The following DNASE1 variants were observed in gnomAD, a reference collection of about 807,000 sequenced individuals.
DNASE1 encodes deoxyribonuclease-1.
Under a neutral mutation model 33.9 loss-of-function variants are expected in DNASE1, and 40 were observed. The ratio of observed to expected loss-of-function variants is 1.18; its 90% CI spans 0.92 to 1.54. The LOEUF (loss-of-function observed/expected upper bound fraction) is 1.54. DNASE1 is among the 40% of genes most tolerant of loss of function. The probability of loss-of-function intolerance (pLI) is 0.00; values close to 1 mark genes in which losing one functional copy is unlikely to be tolerated. For missense variants in DNASE1, 518 were observed against 372.6 expected (o/e 1.39, Z -3.21); for synonymous variants, 216 against 160.0 (o/e 1.35, Z -2.64).
At chr16:3,644,317 C>G (rs1395993699) in intron 1 of DNASE1, among the ~76,000 whole-genome samples, 1 of 151,976 alleles carries the variant, frequency 6.6e-6, no homozygotes, top group Non-Finnish European at 1.5e-5. Flanking sequence ...AATCGCAGCA[C>G]CTTGGGAGGC....
intron 1 of DNASE1, among the ~76,000 whole-genome samples, chr16:3,615,376 G>T (rs2041065454): frequency 1.3e-5 from 2 of 152,160 alleles, no homozygotes; most frequent in Admixed American, 1.3e-4. Flanking sequence ...CCTTGTCCTG[G>T]ACCCTATTGT....
downstream of DNASE1, chr16:3,660,338 C>G (rs1233857963): frequency 1.3e-5 from 2 of 152,178 alleles, no homozygotes; most frequent in Middle Eastern, 3.2e-3. Context: ...AATTTTAAAA[C>G]AAATGAAAGT....
upstream of DNASE1, chr16:3,653,160 A>C (rs528334818): frequency 6.6e-6 from 1 of 152,294 alleles, no homozygotes; most frequent in South Asian, 2.1e-4. Flanking sequence ...TAAGAAGAAG[A>C]GGCAGAGACT....
intron 1 of DNASE1, among the ~76,000 whole-genome samples, chr16:3,634,835 G>T (rs1249598750): frequency 1.3e-5 from 2 of 152,034 alleles, no homozygotes; most frequent in African/African-American, 4.8e-5. Flanking sequence ...ATTAATAATA[G>T]AGTCAGAGTG....
upstream of DNASE1, chr16:3,640,689 T>G: frequency 2.5e-6 from 1 of 398,562 alleles, no homozygotes; most frequent in Non-Finnish European, 4.4e-6. Flanking sequence ...TGGGCATGAG[T>G]AACACTCCCC....
At chr16:3,623,171 A>C (rs773124841) in intron 1 of DNASE1, among the ~76,000 whole-genome samples, 45 of 152,188 alleles carry the variant, frequency 3.0e-4, no homozygotes, top group Non-Finnish European at 5.0e-4. Flanking sequence ...CAGAATAGAG[A>C]ACCCAGAAGT....
intron 1 of DNASE1, among the ~76,000 whole-genome samples, chr16:3,628,218 T>G (rs996995026): frequency 6.6e-6 from 1 of 152,166 alleles, no homozygotes; most frequent in Non-Finnish European, 1.5e-5. Context: ...GGAATTGTTT[T>G]TATAATTTCC....
rs769214207 is a variant in DNASE1, at chr16:3,664,367, G to A, written c.*6414G>A. On this transcript the variant is annotated 3_prime_UTR_variant, in exon 10 of 10. Transcript: ENST00000407479. The stretch of plus-strand genomic sequence containing the variant: ...ACAGGTAGTAGATGTTGCGGGTGCC[G>A]GCCCGCATGCGGCTGGCGTATTCTG... The A allele has an allele frequency of 3.8e-5, 62 of 1,612,928 alleles. 1 individual carries two copies. Among genetic ancestry groups the A allele is most frequent in the South Asian group, 9.9e-5 (9 of 90,836 alleles).
At chr16:3,633,573 A>G (rs1167554173) in intron 1 of DNASE1, among the ~76,000 whole-genome samples, 1 of 150,298 alleles carries the variant, frequency 6.7e-6, no homozygotes, top group Non-Finnish European at 1.5e-5. Context: ...GCGCCATTGC[A>G]CTCTAGCCTG....
At chr16:3,655,967 G>C in intron 3 of DNASE1, 30 bp downstream of exon 3, 1 of 1,613,628 alleles carries the variant, frequency 6.2e-7, no homozygotes, top group South Asian at 1.1e-5. Flanking sequence ...TCATAGGAAG[G>C]TGACATCTCG....
At chr16:3,658,925 C>A (rs2042894529), downstream of DNASE1, 1 of 1,561,036 alleles carries the variant, frequency 6.4e-7, no homozygotes, top group African/African-American at 1.4e-5. Context: ...ACCCTCCCTT[C>A]ATGTTTTGGG....
downstream of DNASE1, chr16:3,662,802 C>T (rs1438955926): frequency 2.9e-6 from 4 of 1,391,160 alleles, no homozygotes; most frequent in African/African-American, 2.8e-5. Flanking sequence ...CCCAACGGGC[C>T]AGGTACTGGG....
At chr16:3,631,323 G>T (rs1357703776) in intron 1 of DNASE1, among the ~76,000 whole-genome samples, 2 of 151,914 alleles carry the variant, frequency 1.3e-5, no homozygotes, top group African/African-American at 4.8e-5. Context: ...TCCTGCCTCA[G>T]CCTCCCTAGT....
At position 3,656,187 on chromosome 16, in the gene DNASE1, T is replaced by G. The variant is rs1287158585; in HGVS notation, c.320+2T>G. 6.2e-7 allele frequency: 1 copy of G among 1,613,858 alleles called. No individual in the cohort carries two copies. The highest frequency in any genetic ancestry group is 1.7e-5 in the Admixed American group (1 of 60,018). ...GGAGCGCTACCTGTTCGTGTACAGG[T>G]GGGTGGTCTAGAAAGCCAGGAAGCC... is the stretch of plus-strand genomic sequence containing the variant. On this transcript the variant is annotated splice_donor_variant, in intron 4 of 8. Coordinates refer to ENST00000246949, the MANE Select transcript of DNASE1 (RefSeq NM_005223.4). LOFTEE classifies it high-confidence loss of function.
intron 7 of DNASE1, 146 bp from the exon 8 acceptor site, chr16:3,657,574 T>C (rs1184147890): frequency 1.6e-6 from 2 of 1,246,518 alleles, no homozygotes; most frequent in African/African-American, 1.5e-5. Context: ...GTTTCCACAT[T>C]GAGGGGCACA....
chr16:3,632,812 C>T (rs1000103638), intron 1 of DNASE1, among the ~76,000 whole-genome samples: 2 of 152,114 alleles, frequency 1.3e-5, no homozygotes, highest in Non-Finnish European at 2.9e-5. Context: ...TCTTGAAATC[C>T]TGACCTCAGG....
downstream of DNASE1, chr16:3,661,811 G>T: frequency 2.7e-6 from 2 of 748,118 alleles, no homozygotes; most frequent in Non-Finnish European, 3.9e-6. Flanking sequence ...GTAAGGGGCT[G>T]GCCAGGTTCC....
chr16:3,614,952 C>A (rs887058638), intron 1 of DNASE1, among the ~76,000 whole-genome samples: 1 of 152,088 alleles, frequency 6.6e-6, no homozygotes, highest in African/African-American at 2.4e-5. Flanking sequence ...TACCTCTCTC[C>A]CCCAACCCCA....
intron 1 of DNASE1, among the ~76,000 whole-genome samples, chr16:3,620,244 A>G (rs1157841081): frequency 2.0e-5 from 3 of 152,152 alleles, no homozygotes; most frequent in Non-Finnish European, 4.4e-5. Flanking sequence ...TAAAAAGTTT[A>G]CATGTCATAT....
Sources: allele counts gnomAD v4.1 joint callset (sites outside exome capture counted in the v4.1 genomes callset), GRCh38; gene constraint gnomAD v4.1.1; transcripts MANE v1.5; gene names NCBI Gene and HGNC (gene_info 2026-07-23, HGNC 2026-07-21).